NAA60: variants seen among roughly 807,000 people sequenced by gnomAD.
NAA60 encodes N-alpha-acetyltransferase 60, NatF catalytic subunit.
A neutral mutation model predicts 26.1 loss-of-function variants in NAA60; 8 were observed. That is an observed-to-expected ratio of 0.31 (90% CI 0.18 to 0.55). NAA60 has a LOEUF of 0.55. Ranked by LOEUF, NAA60 falls within the 20% of genes least tolerant of loss-of-function variation. The probability of loss-of-function intolerance (pLI) is 0.93; values close to 1 mark genes in which losing one functional copy is unlikely to be tolerated. For synonymous variants in NAA60, 131 were observed against 122.5 expected (o/e 1.07, Z -0.46); for missense variants, 290 against 311.3 (o/e 0.93, Z 0.51).
chr16:3,483,301 A>G lies in NAA60; in HGVS notation c.338-62A>G, dbSNP rs201880030. Reference sequence around the variant, plus strand: ...GAGACTCATGCAAAGCCCCCATCCTAGCCCAGTCATCCTTCCTTCCTAACT... The same window carrying G: ...GAGACTCATGCAAAGCCCCCATCCTGGCCCAGTCATCCTTCCTTCCTAACT... On this transcript the variant is annotated intron_variant, in intron 5 of 7. Coordinates refer to ENST00000407558, the MANE Select transcript of NAA60 (RefSeq NM_001083601.3). 3.0e-3 allele frequency: 3,772 copies of G among 1,248,620 alleles called. 12 individuals carry two copies. Among genetic ancestry groups the G allele is most frequent in the Non-Finnish European group, 4.0e-3 (3,481 of 872,126 alleles). 77.3% of individuals were successfully genotyped at this position (1,248,620 alleles called of 1,614,324 possible).
At chr16:3,477,827 A>G (rs866726233) in intron 3 of NAA60, among the ~76,000 whole-genome samples, 4 of 152,272 alleles carry the variant, frequency 2.6e-5, no homozygotes, top group Middle Eastern at 6.8e-3. Flanking sequence ...GCACTTTGGG[A>G]GGCCGAGGCG....
chr16:3,482,022 T>C (rs960991259), intron 4 of NAA60, among the ~76,000 whole-genome samples: 1 of 151,966 alleles, frequency 6.6e-6, no homozygotes, highest in Admixed American at 6.6e-5. Context: ...GCAGAAGGGG[T>C]TGGACGGCCG....
intron 2 of NAA60, among the ~76,000 whole-genome samples, chr16:3,470,885 C>T (rs556315734): frequency 6.6e-6 from 1 of 152,240 alleles, no homozygotes; most frequent in African/African-American, 2.4e-5. Context: ...CCTGCCTCTT[C>T]TCTGCCCCTC....
chr16:3,451,766 A>G (rs569331675), intron 2 of NAA60, among the ~76,000 whole-genome samples: 2 of 151,866 alleles, frequency 1.3e-5, no homozygotes, highest in East Asian at 3.9e-4. Context: ...AAAAATGCAA[A>G]AACTAGTGAG....
chr16:3,458,275 G>C (rs374588191), intron 2 of NAA60: 1 of 820,712 alleles, frequency 1.2e-6, no homozygotes, highest in Non-Finnish European at 1.5e-6. Context: ...GGTCAGGGGG[G>C]CCAGCGCCCA....
At chr16:3,471,055 C>T (rs1020481233) in intron 2 of NAA60, among the ~76,000 whole-genome samples, 2 of 152,176 alleles carry the variant, frequency 1.3e-5, no homozygotes, top group Non-Finnish European at 2.9e-5. Flanking sequence ...CGTTGTGTAT[C>T]TCAGAGCCCA....
chr16:3,484,759 CAG>C lies in NAA60; in HGVS notation c.636_637del (p.Arg212SerfsTer55). The C allele has an allele frequency of 1.3e-6, 2 of 1,593,588 alleles. No individual in the cohort carries two copies. Among genetic ancestry groups the C allele is most frequent in the Non-Finnish European group, 1.7e-6 (2 of 1,171,062 alleles). On this transcript the variant is annotated frameshift_variant, in exon 7 of 8. Transcript: ENST00000407558. LOFTEE classifies it high-confidence loss of function. ...ASLSPCSIPH[R>X]VYRQAHSLLC... Reference sequence around the variant, plus strand: ...GCCTGAGCCCCTGCTCCATTCCGCACAGAGTCTACCGCCAGGCCCACAGCCTG... The same window carrying C: ...GCCTGAGCCCCTGCTCCATTCCGCACAGTCTACCGCCAGGCCCACAGCCTG...
rs573920693 is a variant in NAA60 at position 3,474,384 on chromosome 16, C to G, written c.-6-1838C>G. The stretch of plus-strand genomic sequence containing the variant: ...TCCTGACACTTGGACCCCATCAGCT[C>G]GTTCCAGCAGAGAACCACCCTGGGG... On this transcript the variant is annotated intron_variant, in intron 2 of 7. Coordinates refer to ENST00000407558, the MANE Select transcript of NAA60 (RefSeq NM_001083601.3). 3.2e-4 allele frequency among the ~76,000 whole-genome samples: 48 copies of G among 152,322 alleles called. 1 individual carries two copies. The highest frequency in any genetic ancestry group is 1.1e-3 in the African/African-American group (47 of 41,572).
chr16:3,458,587 C>G (rs8055501), intron 2 of NAA60, among the ~76,000 whole-genome samples: 10,621 of 152,236 alleles, frequency 0.07, 489 homozygotes, highest in South Asian at 0.17. Context: ...TCAGCGATTT[C>G]CGCCTTCGCC....
Position 3,485,947 on chromosome 16 carries a change from AGTG to A in NAA60, c.*688_*690del. On this transcript the variant is annotated 3_prime_UTR_variant, in exon 8 of 8. Transcript: ENST00000407558. ...CCTCAGCACCTTCCGTGCAGTTACC[AGTG>A]CCCTGGGAGGTCACACTGCCCGTCG... 3.2e-6 allele frequency: 1 copy of A among 312,894 alleles called. No individual in the cohort carries two copies. The highest frequency in any genetic ancestry group is 6.3e-6 in the Non-Finnish European group (1 of 158,084). The allele number at this position is 312,894 out of a possible 1,614,324, so 19.4% of individuals were successfully genotyped here.
At chr16:3,447,750 T>C (rs2034612691) in intron 1 of NAA60, 1 of 467,882 alleles carries the variant, frequency 2.1e-6, no homozygotes, top group African/African-American at 2.1e-5. Flanking sequence ...TGGCTGCAAG[T>C]CATGCCTGCA....
intron 2 of NAA60, chr16:3,449,992 C>T: frequency 5.0e-6 from 2 of 398,130 alleles, no homozygotes; most frequent in Non-Finnish European, 8.8e-6. Context: ...TCAGGTATGT[C>T]TTTATCAGCA....
Position 3,485,838 on chromosome 16 carries a change from C to G in NAA60, c.*578C>G. On this transcript the variant is annotated 3_prime_UTR_variant, in exon 8 of 8. Transcript: ENST00000407558. ...GAGGGGCTGATGAGGGGTGGGCAGC[C>G]TGGGGGAGGCTTTCCTCGCAAGCAC... 5.5e-6 allele frequency: 2 copies of G among 362,986 alleles called. No individual in the cohort carries two copies. Among genetic ancestry groups the G allele is most frequent in the South Asian group, 2.0e-5 (1 of 49,000 alleles). The allele number at this position is 362,986 out of a possible 1,614,324, so 22.5% of individuals were successfully genotyped here. A position where few individuals can be genotyped will look rare whatever the true frequency, so the allele number is the denominator to read the frequency against.
chr16:3,471,636 G>C (rs552414302), intron 2 of NAA60, among the ~76,000 whole-genome samples: 4 of 152,182 alleles, frequency 2.6e-5, no homozygotes, highest in Admixed American at 6.5e-5. Context: ...GGTTCTCCCT[G>C]TGGCCTCCAG....
intron 2 of NAA60, among the ~76,000 whole-genome samples, chr16:3,453,228 C>G (rs1220498656): frequency 3.3e-5 from 5 of 152,024 alleles, no homozygotes. Context: ...GAAACCCTGT[C>G]TCTACTAAAA....
chr16:3,485,776 A>C lies in NAA60; in HGVS notation c.*516A>C. 1 of 426,234 alleles carries C rather than the reference A, an allele frequency of 2.3e-6. No individual in the cohort carries two copies. The highest frequency in any genetic ancestry group is 4.8e-6 in the Non-Finnish European group (1 of 209,176). 26.4% of individuals were successfully genotyped at this position (426,234 alleles called of 1,614,324 possible). ...GTCCCCTTCCAGAACCAGCCCAAAGAAGCCTGGGGGGTGAGGAGTGGCCCC... is the reference window on the plus strand; with the variant it reads ...GTCCCCTTCCAGAACCAGCCCAAAGCAGCCTGGGGGGTGAGGAGTGGCCCC... On this transcript the variant is annotated 3_prime_UTR_variant, in exon 8 of 8. Transcript: ENST00000407558.
intron 2 of NAA60, among the ~76,000 whole-genome samples, chr16:3,449,128 C>G (rs1228543326): frequency 6.6e-6 from 1 of 152,220 alleles, no homozygotes; most frequent in Non-Finnish European, 1.5e-5. Flanking sequence ...AATCCCAGCA[C>G]TTTAGGAGGT....
At position 3,484,891 on chromosome 16, in the gene NAA60, C is replaced by G; in HGVS notation, c.*36C>G. ...GCAGCCGCCACCAGGCCCCACCCTT[C>G]GGCCGCCCGCAGAGCCCGCCTTCCT... On this transcript the variant is annotated 3_prime_UTR_variant, in exon 7 of 8. Coordinates refer to ENST00000407558, the MANE Select transcript of NAA60 (RefSeq NM_001083601.3). The G allele has an allele frequency of 6.4e-7, 1 of 1,550,526 alleles. No individual in the cohort carries two copies. The highest frequency in any genetic ancestry group is 8.7e-7 in the Non-Finnish European group (1 of 1,147,390).
intron 2 of NAA60, among the ~76,000 whole-genome samples, chr16:3,473,516 C>A (rs968512167): frequency 6.6e-6 from 1 of 152,156 alleles, no homozygotes; most frequent in African/African-American, 2.4e-5. Context: ...AGGTCCCTCC[C>A]AGAACATGTG....
Sources: gnomAD v4.1 joint callset for allele counts (sites outside exome capture counted in the v4.1 genomes callset) on GRCh38, gnomAD v4.1.1 for gene constraint, MANE v1.5 for transcripts, NCBI Gene and HGNC (gene_info 2026-07-23, HGNC 2026-07-21) for gene names.